SGCD: variants seen among roughly 807,000 people sequenced by gnomAD.
SGCD encodes delta-sarcoglycan.
SGCD carries 18 observed loss-of-function variants against 36.6 expected under a neutral mutation model. The ratio of observed to expected loss-of-function variants is 0.49; its 90% CI spans 0.34 to 0.73. SGCD has a LOEUF of 0.73. Among genes scored for constraint, SGCD ranks in the 30% least tolerant of loss-of-function variants. The probability of loss-of-function intolerance (pLI) is 0.01; values close to 1 mark genes in which losing one functional copy is unlikely to be tolerated. For missense variants in SGCD, 387 were observed against 346.7 expected (o/e 1.12, Z -0.92); for synonymous variants, 133 against 130.6 (o/e 1.02, Z -0.12).
intron 7 of SGCD, among the ~76,000 whole-genome samples, chr5:156,721,746 T>C (rs894001838): frequency 1.7e-4 from 26 of 152,162 alleles, no homozygotes; most frequent in African/African-American, 6.0e-4. Flanking sequence ...GGCTGAACCC[T>C]AGCAGCATGG....
chr5:155,985,345 C>T (rs1244354989), intron 1 of SGCD, among the ~76,000 whole-genome samples: 8 of 152,140 alleles, frequency 5.3e-5, no homozygotes, highest in Admixed American at 3.9e-4. Flanking sequence ...GCGCTCAGCT[C>T]TCATCTCCTA....
At chr5:156,134,055 C>T (rs1762394588) in intron 3 of SGCD, among the ~76,000 whole-genome samples, 1 of 151,950 alleles carries the variant, frequency 6.6e-6, no homozygotes, top group Non-Finnish European at 1.5e-5. Context: ...GCAAATATAA[C>T]ATAGGTTAAA....
At chr5:155,839,461 T>C in the SGCD span, among the ~76,000 whole-genome samples, 1 of 152,164 alleles carries the variant, frequency 6.6e-6, no homozygotes, top group African/African-American at 2.4e-5. Flanking sequence ...CAGCTACTCA[T>C]TTGGAGGAGG....
At chr5:156,639,097 T>G (rs975382049) in intron 6 of SGCD, among the ~76,000 whole-genome samples, 7 of 151,890 alleles carry the variant, frequency 4.6e-5, no homozygotes, top group African/African-American at 1.7e-4. Flanking sequence ...TAGCATTTTA[T>G]GATATATTAC....
the SGCD span, among the ~76,000 whole-genome samples, chr5:155,860,025 C>G: frequency 3.9e-5 from 6 of 152,208 alleles, no homozygotes; most frequent in African/African-American, 1.4e-4. Context: ...AGAGGCACAG[C>G]CCCTCTCCTG....
At position 156,344,532 on chromosome 5, in the gene SGCD, GCT is replaced by G. The variant is rs1219744518; in HGVS notation, c.50_51del (p.Ser17CysfsTer48). On this transcript the variant is annotated frameshift_variant, in exon 3 of 9. Coordinates refer to ENST00000337851, the MANE Select transcript of SGCD (RefSeq NM_000337.6). LOFTEE classifies it high-confidence loss of function. ...ACTCACCACCGGAGCACCATGCCTG[GCT>G]CTGTGGGGCCACAGGTATACAAGGT... 1 of 1,610,194 alleles carries G rather than the reference GCT, an allele frequency of 6.2e-7. No individual in the cohort carries two copies.
chr5:155,782,534 G>C, the SGCD span, among the ~76,000 whole-genome samples: 2 of 152,092 alleles, frequency 1.3e-5, no homozygotes, highest in African/African-American at 2.4e-5. Flanking sequence ...TGTCTCAGGG[G>C]GGTGACAGCA....
At chr5:155,859,661 A>G in the SGCD span, among the ~76,000 whole-genome samples, 1 of 152,174 alleles carries the variant, frequency 6.6e-6, no homozygotes, top group Non-Finnish European at 1.5e-5. Flanking sequence ...AGATTCATCC[A>G]TGCTGTCATC....
intron 3 of SGCD, among the ~76,000 whole-genome samples, chr5:156,149,417 T>C (rs17053249): frequency 0.11 from 16,230 of 152,226 alleles, 1,813 homozygotes; most frequent in African/African-American, 0.29. Context: ...GACTGAATCA[T>C]GTTTTGGATG....
intron 3 of SGCD, among the ~76,000 whole-genome samples, chr5:156,130,010 A>G (rs1193001332): frequency 1.3e-5 from 2 of 152,178 alleles, no homozygotes; most frequent in Non-Finnish European, 2.9e-5. Flanking sequence ...ATATCCAGTA[A>G]TGGGATTGCT....
intron 1 of SGCD, among the ~76,000 whole-genome samples, chr5:156,069,481 A>G (rs1010508068): frequency 1.3e-5 from 2 of 152,040 alleles, no homozygotes; most frequent in African/African-American, 2.4e-5. Flanking sequence ...CCATTGATCT[A>G]TATCTCCATT....
At chr5:155,964,462 C>T (rs1390976732) in intron 1 of SGCD, among the ~76,000 whole-genome samples, 1 of 152,022 alleles carries the variant, frequency 6.6e-6, no homozygotes, top group African/African-American at 2.4e-5. Flanking sequence ...CCTCAGCCTC[C>T]CGAATAGGTG....
intron 1 of SGCD, among the ~76,000 whole-genome samples, chr5:156,071,528 G>T (rs1189900054): frequency 1.3e-5 from 2 of 152,150 alleles, no homozygotes; most frequent in Admixed American, 1.3e-4. Flanking sequence ...TTTTACATTT[G>T]CTGAGGAGAG....
chr5:155,865,153 A>G, the SGCD span, among the ~76,000 whole-genome samples: 17 of 151,604 alleles, frequency 1.1e-4, no homozygotes, highest in African/African-American at 3.6e-4. Context: ...TTTAAGAATT[A>G]AAACTAAAAC....
chr5:155,909,849 G>GT (rs1756595479), intron 1 of SGCD, among the ~76,000 whole-genome samples: 1 of 152,066 alleles, frequency 6.6e-6, no homozygotes, highest in East Asian at 1.9e-4. Context: ...ACATTCAAGG[G>GT]TTTTTTAAAG....
chr5:156,069,949 A>G (rs927822407), intron 1 of SGCD, among the ~76,000 whole-genome samples: 2 of 151,978 alleles, frequency 1.3e-5, no homozygotes, highest in Non-Finnish European at 2.9e-5. Flanking sequence ...ATTGGTGTAT[A>G]AGACTGCTTG....
intron 1 of SGCD, among the ~76,000 whole-genome samples, chr5:155,879,939 G>A (rs556696525): frequency 2.0e-4 from 30 of 152,246 alleles, no homozygotes; most frequent in African/African-American, 7.0e-4. Context: ...AAGACAAAAA[G>A]ATTTTATTGT....
the SGCD span, among the ~76,000 whole-genome samples, chr5:155,751,197 G>A: frequency 2.6e-5 from 4 of 152,158 alleles, no homozygotes; most frequent in Admixed American, 6.5e-5. Flanking sequence ...GACTATTAAA[G>A]AGCATAGTTT....
At chr5:155,935,425 G>C (rs746421700) in intron 1 of SGCD, among the ~76,000 whole-genome samples, 2 of 152,126 alleles carry the variant, frequency 1.3e-5, no homozygotes, top group African/African-American at 2.4e-5. Context: ...TCATTGTTGT[G>C]GGGGGAGATT....
Sources: allele counts gnomAD v4.1 joint callset (sites outside exome capture counted in the v4.1 genomes callset), GRCh38; gene constraint gnomAD v4.1.1; transcripts MANE v1.5; gene names NCBI Gene and HGNC (gene_info 2026-07-23, HGNC 2026-07-21).